FAXC: variants seen among roughly 807,000 people sequenced by gnomAD.
FAXC encodes failed axon connections homolog.
In FAXC, 10 loss-of-function variants were observed where a neutral mutation model predicts 41.9. That is an observed-to-expected ratio of 0.24 (90% CI 0.15 to 0.41). The LOEUF is 0.41. Ranked by LOEUF, FAXC falls within the 10% of genes least tolerant of loss-of-function variation. FAXC has a pLI of 1.00. For missense variants in FAXC, 399 were observed against 510.9 expected (o/e 0.78, Z 2.11); for synonymous variants, 183 against 183.8 (o/e 1.00, Z 0.03).
At chr6:99,346,562 TGGG>T (rs11355124) in intron 1 of FAXC, among the ~76,000 whole-genome samples, 1,751 of 148,938 alleles carry the variant, frequency 0.012, 33 homozygotes, top group African/African-American at 0.04. Flanking sequence ...CTAATTTTTG[TGGG>T]GTTTTTTTGT....
intron 5 of FAXC, among the ~76,000 whole-genome samples, chr6:99,288,859 TACACAC>T (rs55895848): frequency 2.1e-5 from 3 of 145,736 alleles, no homozygotes; most frequent in East Asian, 2.0e-4. Flanking sequence ...CACACACACA[TACACAC>T]ACACACACAC....
intron 4 of FAXC, among the ~76,000 whole-genome samples, chr6:99,315,408 A>G (rs1772315680): frequency 6.6e-6 from 1 of 152,034 alleles, no homozygotes; most frequent in Non-Finnish European, 1.5e-5. Flanking sequence ...GATTTTATAA[A>G]TGTTTACCTG....
intron 5 of FAXC, among the ~76,000 whole-genome samples, chr6:99,290,031 A>G (rs1480015208): frequency 6.6e-6 from 1 of 151,816 alleles, no homozygotes; most frequent in East Asian, 1.9e-4. Context: ...TCACAACCTC[A>G]AAGTTGAACA....
At position 99,279,920 on chromosome 6, in the gene FAXC, C is replaced by T. The variant is rs1157547657; in HGVS notation, c.*1244G>A. 4 of 152,208 alleles carry T rather than the reference C, an allele frequency of 2.6e-5. No individual in the cohort carries two copies. Among genetic ancestry groups the T allele is most frequent in the African/African-American group, 9.7e-5 (4 of 41,444 alleles). 9.4% of individuals were successfully genotyped at this position (152,208 alleles called of 1,614,324 possible). A position where few individuals can be genotyped will look rare whatever the true frequency, so the allele number is the denominator to read the frequency against. The stretch of plus-strand genomic sequence containing the variant: ...CACAGAGTGCTTTGATACAAGTATC[C>T]TCTTGCTACTTCATCTTTTCAATAC... On this transcript the variant is annotated 3_prime_UTR_variant, in exon 6 of 6. Coordinates refer to ENST00000389677, the MANE Select transcript of FAXC (RefSeq NM_032511.4).
chr6:99,289,928 C>T (rs985439490), intron 5 of FAXC, among the ~76,000 whole-genome samples: 2 of 151,786 alleles, frequency 1.3e-5, no homozygotes, highest in Non-Finnish European at 2.9e-5. Context: ...TGCCACCACT[C>T]GGCACCAGAA....
At chr6:99,321,394 G>A (rs1421538742) in intron 4 of FAXC, among the ~76,000 whole-genome samples, 1 of 152,354 alleles carries the variant, frequency 6.6e-6, no homozygotes, top group East Asian at 1.9e-4. Flanking sequence ...GGGGATGGCA[G>A]GGAGGTAGTT....
intron 4 of FAXC, among the ~76,000 whole-genome samples, chr6:99,317,079 C>T (rs560110870): frequency 5.3e-5 from 8 of 151,812 alleles, no homozygotes; most frequent in African/African-American, 9.7e-5. Flanking sequence ...ATAATGACTC[C>T]GCAAGCCATT....
chr6:99,328,696 C>T (rs189777684), intron 3 of FAXC, among the ~76,000 whole-genome samples: 1 of 152,160 alleles, frequency 6.6e-6, no homozygotes, highest in African/African-American at 2.4e-5. Flanking sequence ...TTTGACAATA[C>T]CTCCTCTGCA....
At chr6:99,320,883 G>A (rs909591345) in intron 4 of FAXC, among the ~76,000 whole-genome samples, 5 of 152,200 alleles carry the variant, frequency 3.3e-5, no homozygotes, top group Admixed American at 1.3e-4. Context: ...CCAAGTACAC[G>A]TCTCTGTCGT....
intron 5 of FAXC, among the ~76,000 whole-genome samples, chr6:99,290,936 T>C (rs924774554): frequency 2.0e-5 from 3 of 151,570 alleles, no homozygotes; most frequent in African/African-American, 7.2e-5. Flanking sequence ...CTCAGCCTCC[T>C]GAGTAGCCAG....
At chr6:99,334,736 T>G (rs573737484) in intron 2 of FAXC, 3 of 234,470 alleles carry the variant, frequency 1.3e-5, no homozygotes, top group African/African-American at 4.7e-5. Flanking sequence ...CTGTTTACAA[T>G]GCAAATGAGA....
Position 99,349,367 on chromosome 6 carries a change from G to C in FAXC, c.6C>G (p.His2Gln), listed in dbSNP as rs780027421. The change falls in exon 1 of 6, where the codon CAC (histidine) becomes CAG (glutamine). Residue 2 changes from histidine (H) to glutamine (Q), a missense_variant. Physicochemically the swap from His to Gln is conservative, Grantham distance 24 (BLOSUM62 0). Transcript: ENST00000389677. Reference sequence around the variant, plus strand: ...TGGACGAAGCAAAGCCAACCCCCCAGTGCATGCTGCGCGGCTGGCTCCGGG... The same window carrying C: ...TGGACGAAGCAAAGCCAACCCCCCACTGCATGCTGCGCGGCTGGCTCCGGG... M[H>Q]WGVGFASSRP... The C allele has an allele frequency of 2.5e-6, 4 of 1,609,480 alleles. No homozygotes were observed. Among genetic ancestry groups the C allele is most frequent in the Non-Finnish European group, 3.4e-6 (4 of 1,178,358 alleles).
intron 2 of FAXC, among the ~76,000 whole-genome samples, chr6:99,340,336 G>A (rs1773378542): frequency 6.6e-6 from 1 of 152,006 alleles, no homozygotes; most frequent in East Asian, 1.9e-4. Context: ...CCTGACCTCA[G>A]ACGATCCACC....
At chr6:99,331,612 A>T (rs1397144045) in intron 3 of FAXC, among the ~76,000 whole-genome samples, 5 of 152,256 alleles carry the variant, frequency 3.3e-5, no homozygotes, top group African/African-American at 1.2e-4. Context: ...GAAATCAAAG[A>T]GTTGTAGCCA....
At position 99,272,192 on chromosome 6, in the gene FAXC, T is replaced by TGTGTGTGTGTGTGTGTG; in HGVS notation, c.*8971_*8972insCACACACACACACACAC. On this transcript the variant is annotated 3_prime_UTR_variant, in exon 6 of 6. Coordinates refer to ENST00000389677, the MANE Select transcript of FAXC (RefSeq NM_032511.4). ...TGTGTGTGTGTGTGTGTGTGTGTGT[T>TGTGTGTGTGTGTGTGTG]TGAGATGGAGTTTTGCTCTTGTTGC... 1.1e-5 allele frequency: 1 copy of TGTGTGTGTGTGTGTGTG among 95,234 alleles called. No individual in the cohort carries two copies. The highest frequency in any genetic ancestry group is 9.9e-5 in the Admixed American group (1 of 10,146). 5.9% of individuals were successfully genotyped at this position (95,234 alleles called of 1,614,324 possible).
rs570691626 is a variant in FAXC at position 99,331,114 on chromosome 6, G to A, written c.599+2237C>T. On this transcript the variant is annotated intron_variant, in intron 3 of 5. Transcript: ENST00000389677. ...GGGAATTAGCAGTGTTGCTTTGAAA[G>A]TTTATTAGATATGTGCATCTCAATC... Among the ~76,000 whole-genome samples the A allele has an allele frequency of 3.9e-5, 6 of 152,314 alleles. No homozygotes were observed. In the East Asian group the frequency reaches 1.2e-3, roughly 29 times the overall value.
At chr6:99,283,980 G>T (rs757156699) in intron 5 of FAXC, 1 of 152,176 alleles carries the variant, frequency 6.6e-6, no homozygotes, top group South Asian at 2.1e-4. Context: ...TCCAGAAGAG[G>T]TGTCTGCTCT....
At chr6:99,282,369 C>A (rs187425322) in intron 5 of FAXC, among the ~76,000 whole-genome samples, 28 of 152,164 alleles carry the variant, frequency 1.8e-4, no homozygotes, top group Middle Eastern at 3.4e-3. Flanking sequence ...CCTTTCCCCC[C>A]AAAAAATCCA....
At chr6:99,316,423 T>A (rs890166788) in intron 4 of FAXC, among the ~76,000 whole-genome samples, 3 of 152,194 alleles carry the variant, frequency 2.0e-5, no homozygotes, top group African/African-American at 7.2e-5. Flanking sequence ...CAGCCTTGTC[T>A]TTGGATTCTG....
Sources: gnomAD v4.1 joint callset for allele counts (sites outside exome capture counted in the v4.1 genomes callset) on GRCh38, gnomAD v4.1.1 for gene constraint, MANE v1.5 for transcripts, NCBI Gene and HGNC (gene_info 2026-07-23, HGNC 2026-07-21) for gene names.